The following WWOX variants were observed in gnomAD, a reference collection of about 807,000 sequenced individuals.
WWOX encodes the protein WW domain containing oxidoreductase.
In WWOX, 69 loss-of-function variants were observed where a neutral mutation model predicts 46.2. The observed-to-expected ratio is 1.49, with a 90% confidence interval of 1.23 to 1.82. WWOX has a LOEUF of 1.82. Among genes scored for constraint, WWOX ranks in the 40% most tolerant of loss-of-function variants. The pLI is 0.00. For synonymous variants in WWOX, 359 were observed against 202.6 expected (o/e 1.77, Z -6.56); for missense variants, 919 against 542.6 (o/e 1.69, Z -6.89).
At chr16:79,077,283 T>C (rs755886675) in intron 8 of WWOX, 6 of 152,174 alleles carry the variant, frequency 3.9e-5, no homozygotes, top group Non-Finnish European at 8.8e-5. Context: ...ACAGGGCCCC[T>C]GCGTTTTGAC....
chr16:78,819,941 C>G (rs1416846058), intron 8 of WWOX, among the ~76,000 whole-genome samples: 1 of 152,176 alleles, frequency 6.6e-6, no homozygotes, highest in African/African-American at 2.4e-5. Context: ...TATGTATTCA[C>G]TCATCTATTC....
At chr16:78,923,233 G>C (rs1309841213) in intron 8 of WWOX, among the ~76,000 whole-genome samples, 1 of 151,968 alleles carries the variant, frequency 6.6e-6, no homozygotes, top group Non-Finnish European at 1.5e-5. Flanking sequence ...TGCGTAACTC[G>C]GCCTCCCAAA....
At chr16:78,420,119 A>G (rs957304468) in intron 6 of WWOX, among the ~76,000 whole-genome samples, 20 of 152,158 alleles carry the variant, frequency 1.3e-4, no homozygotes, top group Non-Finnish European at 2.8e-4. Context: ...CAGATAACAA[A>G]TACTTACAAA....
intron 8 of WWOX, among the ~76,000 whole-genome samples, chr16:78,818,790 A>G (rs529775385): frequency 6.6e-6 from 1 of 152,202 alleles, no homozygotes; most frequent in Admixed American, 6.5e-5. Context: ...TCTTTTCTGA[A>G]TTGGAGCCAG....
chr16:78,530,854 G>A (rs12447606), intron 8 of WWOX, among the ~76,000 whole-genome samples: 2,166 of 152,180 alleles, frequency 0.014, 23 homozygotes, highest in African/African-American at 0.027. Flanking sequence ...GATTGAGTGT[G>A]GATAATAATC....
intron 5 of WWOX, among the ~76,000 whole-genome samples, chr16:78,335,703 G>A (rs1460504155): frequency 4.6e-5 from 7 of 152,250 alleles, no homozygotes; most frequent in South Asian, 4.2e-4. Context: ...CACCCAATCC[G>A]AATTTTAACA....
intron 6 of WWOX, among the ~76,000 whole-genome samples, chr16:78,421,811 C>T (rs1177420256): frequency 1.3e-5 from 2 of 152,152 alleles, no homozygotes; most frequent in Admixed American, 1.3e-4. Context: ...AAATACTTCT[C>T]CCTCATGATA....
At chr16:78,470,657 G>A (rs1242356925) in intron 8 of WWOX, among the ~76,000 whole-genome samples, 1 of 152,132 alleles carries the variant, frequency 6.6e-6, no homozygotes, top group African/African-American at 2.4e-5. Context: ...AGCCTCCCAA[G>A]TAGCTGGGAT....
At chr16:79,144,466 T>A (rs1305787884) in intron 8 of WWOX, among the ~76,000 whole-genome samples, 17 of 152,202 alleles carry the variant, frequency 1.1e-4, no homozygotes, top group Non-Finnish European at 1.5e-4. Flanking sequence ...AATGGGATAA[T>A]AATGTCCATG....
chr16:79,132,430 G>T (rs776881204), intron 8 of WWOX, among the ~76,000 whole-genome samples: 1 of 152,148 alleles, frequency 6.6e-6, no homozygotes, highest in Non-Finnish European at 1.5e-5. Context: ...GCCACAGCCA[G>T]TGTTACAGAA....
At chr16:78,761,840 C>G (rs945408254) in intron 8 of WWOX, among the ~76,000 whole-genome samples, 3 of 152,146 alleles carry the variant, frequency 2.0e-5, no homozygotes, top group African/African-American at 7.2e-5. Flanking sequence ...GCTGACCCGA[C>G]ATAGACTAAC....
At chr16:78,276,400 A>G (rs961917834) in intron 5 of WWOX, among the ~76,000 whole-genome samples, 3 of 152,212 alleles carry the variant, frequency 2.0e-5, no homozygotes, top group Non-Finnish European at 4.4e-5. Flanking sequence ...TTATAACCCA[A>G]GCGACACATA....
intron 8 of WWOX, among the ~76,000 whole-genome samples, chr16:78,622,691 C>T (rs1487242987): frequency 6.7e-6 from 1 of 148,578 alleles, no homozygotes; most frequent in Non-Finnish European, 1.5e-5. Context: ...ATATGGGAGA[C>T]TTACTTCTGA....
At chr16:78,498,577 G>T (rs2084976955) in intron 8 of WWOX, among the ~76,000 whole-genome samples, 1 of 152,182 alleles carries the variant, frequency 6.6e-6, no homozygotes, top group Non-Finnish European at 1.5e-5. Flanking sequence ...AGGGTAATGA[G>T]CAACACACAA....
chr16:79,053,256 C>G (rs745441106), intron 8 of WWOX, among the ~76,000 whole-genome samples: 7 of 152,074 alleles, frequency 4.6e-5, no homozygotes, highest in Non-Finnish European at 8.8e-5. Flanking sequence ...AAAGTCTTTG[C>G]TTTTTTCCCC....
chr16:79,015,619 A>G (rs1337729415), intron 8 of WWOX, among the ~76,000 whole-genome samples: 1 of 152,178 alleles, frequency 6.6e-6, no homozygotes, highest in African/African-American at 2.4e-5. Flanking sequence ...CTGCAACCAG[A>G]GTTGGAAGCA....
intron 4 of WWOX, among the ~76,000 whole-genome samples, chr16:78,134,861 T>C (rs987757335): frequency 2.0e-5 from 3 of 152,182 alleles, no homozygotes; most frequent in Admixed American, 6.5e-5. Flanking sequence ...ATTGGTAATA[T>C]TGTCATATGG....
intron 8 of WWOX, among the ~76,000 whole-genome samples, chr16:78,460,204 T>A (rs959228282): frequency 6.7e-6 from 1 of 148,388 alleles, no homozygotes; most frequent in Non-Finnish European, 1.5e-5. Context: ...CTGGGCTCAC[T>A]GCAACCTGTG....
chr16:78,135,863 A>G (rs879744790), intron 4 of WWOX, among the ~76,000 whole-genome samples: 4 of 152,186 alleles, frequency 2.6e-5, no homozygotes, highest in Non-Finnish European at 4.4e-5. Context: ...TGAGACGTCT[A>G]GAATAGAGAA....
Sources: allele counts gnomAD v4.1 joint callset (sites outside exome capture counted in the v4.1 genomes callset), GRCh38; gene constraint gnomAD v4.1.1; transcripts MANE v1.5; gene names NCBI Gene and HGNC (gene_info 2026-07-23, HGNC 2026-07-21).